FBXL12: variants seen among roughly 807,000 people sequenced by gnomAD.
FBXL12 encodes F-box and leucine rich repeat protein 12.
A neutral mutation model predicts 24.9 loss-of-function variants in FBXL12; 22 were observed. The observed-to-expected ratio is 0.88, with a 90% CI of 0.63 to 1.26. The LOEUF is 1.26. Ranked by LOEUF, FBXL12 falls within the 50% of genes most tolerant of loss-of-function variation. FBXL12 has a pLI of 0.00. For synonymous variants in FBXL12, 193 were observed against 193.8 expected, an observed-to-expected ratio of 1.00 and a Z score of 0.03; for missense variants, 384 against 434.1, an observed-to-expected ratio of 0.88 and a Z score of 1.03.
chr19:9,813,115 A>G lies in FBXL12; in HGVS notation c.160-1398T>C, dbSNP rs143400974. On this transcript the variant is annotated intron_variant, in intron 2 of 2. Coordinates refer to ENST00000247977, the MANE Select transcript of FBXL12 (RefSeq NM_017703.3). ...AAGCCTGGTAGAGTGGAAGCTGCAA[A>G]AATCAACCCTGGGAAGTTAGACTTA... 1,093 of 611,378 alleles carry G rather than the reference A, an allele frequency of 1.8e-3. 6 individuals carry two copies. In the African/African-American group the frequency reaches 0.019, roughly 11 times the overall value. 37.9% of individuals were successfully genotyped at this position (611,378 alleles called of 1,614,324 possible).
chr19:9,818,769 G>T lies in FBXL12; in HGVS notation c.45C>A (p.Ile15=). ...VELPDSVLLE[I]FSYLPVRDRI... ...GGTCCCGTACCGGGAGGTAAGAGAA[G>T]ATCTCGAGCAGGACCGAGTCCGGCA... Residue 15 remains isoleucine, a synonymous_variant, in exon 1 of 3, where the codon ATC becomes ATA. Transcript: ENST00000247977. 1 of 1,556,398 alleles carries T rather than the reference G, an allele frequency of 6.4e-7. No homozygotes were observed. Among genetic ancestry groups the T allele is most frequent in the Non-Finnish European group, 8.7e-7 (1 of 1,148,888 alleles).
At chr19:9,813,299 A>T in intron 2 of FBXL12, 1 of 1,207,966 alleles carries the variant, frequency 8.3e-7, no homozygotes, top group Non-Finnish European at 1.0e-6. Flanking sequence ...AAAATTGTCT[A>T]ATAACATATT....
At position 9,818,666 on chromosome 19, in the gene FBXL12, C is replaced by A. The variant is rs1392990329; in HGVS notation, c.87-49G>T. The A allele has an allele frequency of 1.9e-6, 3 of 1,545,744 alleles. No individual in the cohort carries two copies. In the Admixed American group the frequency reaches 5.9e-5, roughly 30 times the overall value. On this transcript the variant is annotated intron_variant, in intron 1 of 2. Transcript: ENST00000247977. Reference sequence around the variant, plus strand: ...GAACGACCCCAGCCCCGGGCCACATCGCATCTCCAGGTGCCAGCTGCGCCC... The same window carrying A: ...GAACGACCCCAGCCCCGGGCCACATAGCATCTCCAGGTGCCAGCTGCGCCC...
chr19:9,818,870 G>T lies in FBXL12; in HGVS notation c.-57C>A. The T allele has an allele frequency of 1.4e-6, 2 of 1,478,158 alleles. No individual in the cohort carries two copies. Among genetic ancestry groups the T allele is most frequent in the Non-Finnish European group, 1.8e-6 (2 of 1,097,094 alleles). The allele number at this position is 1,478,158 out of a possible 1,614,324, so 91.6% of individuals were successfully genotyped here. A position where few individuals can be genotyped will look rare whatever the true frequency, so the allele number is the denominator to read the frequency against. On this transcript the variant is annotated 5_prime_UTR_variant, in exon 1 of 3. Coordinates refer to ENST00000247977, the MANE Select transcript of FBXL12 (RefSeq NM_017703.3). ...TAAAGAGACCCGAGGGGTCCTGGGGGCGCCGAGGCGGCTGACAGGGCGGCG... is the reference window on the plus strand; with the variant it reads ...TAAAGAGACCCGAGGGGTCCTGGGGTCGCCGAGGCGGCTGACAGGGCGGCG...
intron 2 of FBXL12, chr19:9,813,399 C>T (rs890283250): frequency 1.7e-5 from 8 of 475,962 alleles, no homozygotes; most frequent in Middle Eastern, 6.1e-4. Flanking sequence ...TGCAATGGCA[C>T]GATCTCAGTC....
chr19:9,818,542 T>C lies in FBXL12; in HGVS notation c.159+3A>G, dbSNP rs377733202. On this transcript the variant is annotated splice_donor_region_variant and intron_variant, in intron 2 of 2. Transcript: ENST00000247977. ...CCAGGCCCGCCCGGCCAGCTGCGCG[T>C]ACCGTGTAGAGCGTCAGGTCGACAT... 13,283 of 1,545,748 alleles carry C rather than the reference T, an allele frequency of 8.6e-3. 58 individuals are homozygous for C. The highest frequency in any genetic ancestry group is 0.01 in the Non-Finnish European group (11,955 of 1,148,980).
At chr19:9,816,176 A>G (rs1416414182) in intron 2 of FBXL12, among the ~76,000 whole-genome samples, 5 of 152,132 alleles carry the variant, frequency 3.3e-5, no homozygotes, top group African/African-American at 1.2e-4. Context: ...TCCAGGCCTG[A>G]GATGGGAGGG....
intron 2 of FBXL12, chr19:9,813,199 T>G: frequency 8.3e-7 from 1 of 1,210,494 alleles, no homozygotes; most frequent in Non-Finnish European, 1.0e-6. Flanking sequence ...TAAGTACAGT[T>G]TATCTTAAAA....
chr19:9,811,576 A>G lies in FBXL12; in HGVS notation c.301T>C (p.Cys101Arg). 6.3e-7 allele frequency: 1 copy of G among 1,590,040 alleles called. No homozygotes were observed. Among genetic ancestry groups the G allele is most frequent in the Non-Finnish European group, 8.6e-7 (1 of 1,166,106 alleles). ...PALLRALGQK[C>R]PNLKRLCLHV... Reference sequence around the variant, plus strand: ...AGGCAGAGGCGCTTCAGGTTGGGGCACTTCTGGCCCAGGGCTCTCAACAGA... The same window carrying G: ...AGGCAGAGGCGCTTCAGGTTGGGGCGCTTCTGGCCCAGGGCTCTCAACAGA... Residue 101 changes from cysteine (C) to arginine (R), a missense_variant, in exon 3 of 3, where the codon TGC becomes CGC. Coordinates refer to ENST00000247977, the MANE Select transcript of FBXL12 (RefSeq NM_017703.3). This position sits in a 1 kb window ranked among gnomAD's most constrained non-coding sequence, Gnocchi z 6.0.
rs1393386064 is a variant in FBXL12 at position 9,810,584 on chromosome 19, G to A, written c.*312C>T. On this transcript the variant is annotated 3_prime_UTR_variant, in exon 3 of 3. Coordinates refer to ENST00000247977, the MANE Select transcript of FBXL12 (RefSeq NM_017703.3). ...TGTTCCTGAAGACGACCATGAAGGTGACTCTTCATTGAGAGCCTCTGGAGG... is the reference window on the plus strand; with the variant it reads ...TGTTCCTGAAGACGACCATGAAGGTAACTCTTCATTGAGAGCCTCTGGAGG... The A allele has an allele frequency of 4.0e-6, 1 of 247,594 alleles. No individual in the cohort carries two copies. Among genetic ancestry groups the A allele is most frequent in the Non-Finnish European group, 7.9e-6 (1 of 126,516 alleles). The allele number at this position is 247,594 out of a possible 1,614,324, so 15.3% of individuals were successfully genotyped here. A position where few individuals can be genotyped will look rare whatever the true frequency, so the allele number is the denominator to read the frequency against.
At position 9,810,521 on chromosome 19, in the gene FBXL12, G is replaced by A. The variant is rs1156949782; in HGVS notation, c.*375C>T. The A allele has an allele frequency of 2.2e-5, 4 of 182,330 alleles. No homozygotes were observed. The East Asian group carries it at 5.6e-4, about 25-fold the overall frequency. 11.3% of individuals were successfully genotyped at this position (182,330 alleles called of 1,614,324 possible). ...CATAAGGGGGCTCAGACCCTCAGGT[G>A]CCCCTGAGTCTTAACCCCACCCCTT... On this transcript the variant is annotated 3_prime_UTR_variant, in exon 3 of 3. Coordinates refer to ENST00000247977, the MANE Select transcript of FBXL12 (RefSeq NM_017703.3).
In FBXL12 at chr19:9,818,775, G is replaced by T; in HGVS notation, c.39C>A (p.Leu13=). ...GTACCGGGAGGTAAGAGAAGATCTC[G>T]AGCAGGACCGAGTCCGGCAGTTCGA... ...TLVELPDSVL[L]EIFSYLPVRD... is the part of the protein sequence containing the mutation. Residue 13 remains leucine (L), a synonymous_variant, in exon 1 of 3, where the codon CTC becomes CTA. Coordinates refer to ENST00000247977, the MANE Select transcript of FBXL12 (RefSeq NM_017703.3). 3 of 1,556,150 alleles carry T rather than the reference G, an allele frequency of 1.9e-6. No homozygotes were observed. Among genetic ancestry groups the T allele is most frequent in the East Asian group, 2.4e-5 (1 of 42,090 alleles).
At chr19:9,813,107 A>G in intron 2 of FBXL12, 2 of 505,248 alleles carry the variant, frequency 4.0e-6, no homozygotes, top group African/African-American at 2.0e-5. Flanking sequence ...GTAGAGTGGA[A>G]GCTGCAAAAA....
chr19:9,818,264 T>C (rs761178541), intron 2 of FBXL12: 12 of 501,994 alleles, frequency 2.4e-5, no homozygotes, highest in Non-Finnish European at 3.9e-5. Flanking sequence ...GATAAATATG[T>C]GCCAGACTGT....
chr19:9,813,043 C>T (rs1415485048), intron 2 of FBXL12, among the ~76,000 whole-genome samples: 3 of 152,036 alleles, frequency 2.0e-5, no homozygotes, highest in Non-Finnish European at 4.4e-5. Flanking sequence ...GTTGCACCAG[C>T]CTGGGCAACA....
intron 2 of FBXL12, among the ~76,000 whole-genome samples, chr19:9,814,933 C>CT (rs112483524): frequency 0.17 from 26,355 of 151,874 alleles, 4,337 homozygotes; most frequent in African/African-American, 0.43. Context: ...CATTCCACCC[C>CT]GGCCCCTCCA....
chr19:9,817,974 GA>G (rs1039533521), intron 2 of FBXL12, among the ~76,000 whole-genome samples: 13 of 152,330 alleles, frequency 8.5e-5, no homozygotes, highest in Admixed American at 8.5e-4. Flanking sequence ...AACACTTTGG[GA>G]GGCTAAGTCG....
At position 9,816,567 on chromosome 19, in the gene FBXL12, T is replaced by A. The variant is rs537013050; in HGVS notation, c.159+1978A>T. ...ACTCCAGTTCCCAACAAGTTTCTCA[T>A]CTCCATCTGAGACCACCTCAGCCTG... On this transcript the variant is annotated intron_variant, in intron 2 of 2. Coordinates refer to ENST00000247977, the MANE Select transcript of FBXL12 (RefSeq NM_017703.3). Among the ~76,000 whole-genome samples the A allele has an allele frequency of 3.9e-5, 6 of 152,298 alleles. No individual in the cohort carries two copies. The East Asian group carries it at 7.7e-4, about 20-fold the overall frequency.
chr19:9,816,620 A>G (rs905146554), intron 2 of FBXL12, among the ~76,000 whole-genome samples: 4 of 152,180 alleles, frequency 2.6e-5, no homozygotes, highest in Non-Finnish European at 4.4e-5. Flanking sequence ...CACTATCAGC[A>G]TTTTGGGCAA....
Sources: gnomAD v4.1 joint callset for allele counts (sites outside exome capture counted in the v4.1 genomes callset) on GRCh38, gnomAD v4.1.1 for gene constraint, Gnocchi (gnomAD v3.1) non-coding constraint, MANE v1.5 for transcripts, NCBI Gene and HGNC (gene_info 2026-07-23, HGNC 2026-07-21) for gene names.